The following TFEC variants were observed in gnomAD, a reference collection of about 807,000 sequenced individuals.
The protein encoded by TFEC is transcription factor EC.
In TFEC, 31 loss-of-function variants were observed where a neutral mutation model predicts 41.6. The ratio of observed to expected loss-of-function variants is 0.74; its 90% confidence interval spans 0.56 to 1.01. The LOEUF is 1.01. TFEC is among the 50% of genes least tolerant of loss of function. The pLI is 0.00. For synonymous variants in TFEC, 143 were observed against 140.6 expected (o/e 1.02, Z -0.12); for missense variants, 402 against 404.1 (o/e 0.99, Z 0.04).
At chr7:115,968,429 G>T in intron 3 of TFEC, 1 of 746,680 alleles carries the variant, frequency 1.3e-6, no homozygotes, top group Non-Finnish European at 1.9e-6. Flanking sequence ...ACAGGGGGTT[G>T]TTAATATTTA....
At chr7:116,140,617 T>G (rs1453486716) in intron 1 of TFEC, among the ~76,000 whole-genome samples, 2 of 152,210 alleles carry the variant, frequency 1.3e-5, no homozygotes, top group Non-Finnish European at 2.9e-5. Context: ...TCTTACAACA[T>G]ATGCATGCCA....
intron 1 of TFEC, among the ~76,000 whole-genome samples, chr7:116,023,370 G>A (rs181466453): frequency 6.4e-4 from 98 of 152,290 alleles, no homozygotes; most frequent in African/African-American, 2.3e-3. Flanking sequence ...AAGATAGAAT[G>A]TCTTGTTACT....
At position 116,030,642 on chromosome 7, in the gene TFEC, G is replaced by A. The variant is rs949911664; in HGVS notation, c.-82C>T. The A allele has an allele frequency of 2.5e-5, 25 of 985,294 alleles. No individual in the cohort carries two copies. Among genetic ancestry groups the A allele is most frequent in the African/African-American group, 3.5e-5 (2 of 57,222 alleles). The allele number at this position is 985,294 out of a possible 1,614,324, so 61.0% of individuals were successfully genotyped here. The stretch of plus-strand genomic sequence containing the variant: ...CGGTTTAGTTACCTACCAGCAATGA[G>A]TGGATTTTATCAGTGTTGTCATCTC... On this transcript the variant is annotated 5_prime_UTR_variant, in exon 1 of 8. Coordinates refer to ENST00000265440, the MANE Select transcript of TFEC (RefSeq NM_012252.4).
intron 3 of TFEC, among the ~76,000 whole-genome samples, chr7:116,098,153 C>T (rs1797513101): frequency 6.6e-6 from 1 of 151,968 alleles, no homozygotes; most frequent in African/African-American, 2.4e-5. Context: ...ACTATGCAAA[C>T]ATTAACTTTT....
In TFEC at chr7:115,965,440, T is replaced by C. The variant is rs962585101; in HGVS notation, c.268-8647A>G. On this transcript the variant is annotated intron_variant, in intron 3 of 7. Transcript: ENST00000265440. ...AAATGGAATGCTTGTGGGTCAAAGT[T>C]TCCATTACACATTTGCTTACTGTTA... 2.0e-5 allele frequency among the ~76,000 whole-genome samples: 3 copies of C among 151,746 alleles called. No individual in the cohort carries two copies. The Admixed American group carries it at 2.0e-4, about 10-fold the overall frequency.
At chr7:115,970,310 G>C (rs1194926362) in intron 3 of TFEC, among the ~76,000 whole-genome samples, 3 of 151,940 alleles carry the variant, frequency 2.0e-5, no homozygotes, top group Non-Finnish European at 2.9e-5. Flanking sequence ...TTTGCTACTG[G>C]ATTAGTTTGC....
At chr7:115,999,923 C>A (rs1562924765) in intron 1 of TFEC, among the ~76,000 whole-genome samples, 1 of 149,382 alleles carries the variant, frequency 6.7e-6, no homozygotes, top group Admixed American at 6.6e-5. Context: ...ACTACTCAAA[C>A]TTTCTGAAAA....
At chr7:116,148,994 G>C (rs1017897225) in intron 1 of TFEC, among the ~76,000 whole-genome samples, 7 of 151,714 alleles carry the variant, frequency 4.6e-5, no homozygotes, top group Non-Finnish European at 8.8e-5. Context: ...ATGATTGATA[G>C]AGTAAAAAGG....
chr7:115,948,253 G>A (rs1368208850), intron 6 of TFEC, among the ~76,000 whole-genome samples: 2 of 151,492 alleles, frequency 1.3e-5, no homozygotes, highest in African/African-American at 2.4e-5. Flanking sequence ...ATTCACAGCC[G>A]AATTCTACCA....
At chr7:116,127,120 C>A (rs758726444) in intron 1 of TFEC, among the ~76,000 whole-genome samples, 1 of 150,504 alleles carries the variant, frequency 6.6e-6, no homozygotes, top group Non-Finnish European at 1.5e-5. Context: ...GTTTTTGAGA[C>A]GGAGTCTGCA....
chr7:115,949,202 A>T (rs1046513819), intron 6 of TFEC, among the ~76,000 whole-genome samples: 94 of 152,274 alleles, frequency 6.2e-4, no homozygotes, highest in Non-Finnish European at 1.0e-3. Flanking sequence ...ATAAAAGAGC[A>T]TACAAAGAAA....
intron 1 of TFEC, among the ~76,000 whole-genome samples, chr7:116,126,463 G>C (rs377164497): frequency 6.6e-6 from 1 of 151,976 alleles, no homozygotes; most frequent in Admixed American, 6.6e-5. Context: ...AAAGAATAAA[G>C]ACATTATTTT....
chr7:116,103,046 T>TAATA (rs1417925426), intron 3 of TFEC, among the ~76,000 whole-genome samples: 1 of 152,174 alleles, frequency 6.6e-6, no homozygotes, highest in African/African-American at 2.4e-5. Context: ...CAGGGTGAGA[T>TAATA]AATAGTGTGC....
intron 3 of TFEC, among the ~76,000 whole-genome samples, chr7:116,039,121 A>G (rs1346568096): frequency 1.0e-5 from 1 of 97,948 alleles, no homozygotes; most frequent in Non-Finnish European, 2.1e-5. Flanking sequence ...GAGGACTAGA[A>G]TATGTTATAG....
intron 1 of TFEC, among the ~76,000 whole-genome samples, chr7:116,142,966 T>C (rs1798571098): frequency 6.6e-6 from 1 of 152,216 alleles, no homozygotes; most frequent in Non-Finnish European, 1.5e-5. Flanking sequence ...GCTGAGTACC[T>C]GGTTGTTGAG....
intron 3 of TFEC, among the ~76,000 whole-genome samples, chr7:116,064,583 A>T (rs1796649200): frequency 6.6e-6 from 1 of 151,974 alleles, no homozygotes; most frequent in Admixed American, 6.6e-5. Flanking sequence ...CATTAGGACA[A>T]ATACCTAATG....
chr7:115,997,996 C>T (rs1235803275), intron 1 of TFEC, among the ~76,000 whole-genome samples: 1 of 151,898 alleles, frequency 6.6e-6, no homozygotes, highest in East Asian at 1.9e-4. Context: ...GAGTTATTGG[C>T]CTTAAAGAGG....
At chr7:116,152,775 G>A (rs764569335) in intron 1 of TFEC, among the ~76,000 whole-genome samples, 10 of 152,010 alleles carry the variant, frequency 6.6e-5, no homozygotes, top group Non-Finnish European at 1.3e-4. Context: ...GCATCCTAGA[G>A]CAAAGCTCAA....
upstream of TFEC, among the ~76,000 whole-genome samples, chr7:116,031,236 A>G (rs1795774573): frequency 6.6e-6 from 1 of 151,902 alleles, no homozygotes; most frequent in African/African-American, 2.4e-5. Flanking sequence ...CTATAATTAC[A>G]TTTTTCTTAC....
Sources: gnomAD v4.1 joint callset for allele counts (sites outside exome capture counted in the v4.1 genomes callset) on GRCh38, gnomAD v4.1.1 for gene constraint, MANE v1.5 for transcripts, NCBI Gene and HGNC (gene_info 2026-07-23, HGNC 2026-07-21) for gene names.